The following ACADSB variants were observed in gnomAD, a reference collection of about 807,000 sequenced individuals.
The protein encoded by ACADSB is acyl-CoA dehydrogenase short/branched chain.
In ACADSB, 40 loss-of-function variants were observed where a neutral mutation model predicts 54.1. The observed-to-expected ratio is 0.74, with a 90% CI of 0.57 to 0.96. ACADSB has a LOEUF of 0.96. Among genes scored for constraint, ACADSB ranks in the 40% least tolerant of loss-of-function variants. The pLI is 0.00. For synonymous variants in ACADSB, 182 were observed against 182.8 expected, an observed-to-expected ratio of 1.00 and a Z score of 0.03; for missense variants, 530 against 510.4, an observed-to-expected ratio of 1.04 and a Z score of -0.37.
rs4980247 is a variant in ACADSB at position 123,057,375 on chromosome 10, T to C, written c.*3610T>C. ...CTACCTTCTTCCGTTAGTGCATCAG[T>C]AAATGTGTTATTTTGTCATTTTTCC... On this transcript the variant is annotated 3_prime_UTR_variant, in exon 11 of 11. Coordinates refer to ENST00000358776, the MANE Select transcript of ACADSB (RefSeq NM_001609.4). The C allele has an allele frequency of 8.5e-5, 13 of 152,362 alleles. No homozygotes were observed. The East Asian group carries it at 2.3e-3, about 27-fold the overall frequency. The allele number at this position is 152,362 out of a possible 1,614,324, so 9.4% of individuals were successfully genotyped here.
At chr10:123,047,524 C>T (rs1307110806) in intron 8 of ACADSB, among the ~76,000 whole-genome samples, 1 of 152,122 alleles carries the variant, frequency 6.6e-6, no homozygotes, top group African/African-American at 2.4e-5. Context: ...TTCAGGATAT[C>T]TCGGTGAGCA....
chr10:123,036,848 T>A (rs1028845614), intron 2 of ACADSB, among the ~76,000 whole-genome samples: 2 of 152,070 alleles, frequency 1.3e-5, no homozygotes, highest in Admixed American at 1.3e-4. Flanking sequence ...GGGAAGAGAT[T>A]CTACATAATG....
intron 1 of ACADSB, among the ~76,000 whole-genome samples, chr10:123,012,505 C>T (rs1024607771): frequency 6.6e-5 from 10 of 152,148 alleles, no homozygotes; most frequent in African/African-American, 1.9e-4. Flanking sequence ...GTGAGTGCTA[C>T]AGTTCTTAAA....
intron 6 of ACADSB, among the ~76,000 whole-genome samples, chr10:123,043,753 A>G (rs1201205781): frequency 2.0e-5 from 3 of 152,120 alleles, no homozygotes; most frequent in Admixed American, 6.5e-5. Context: ...CTTCACCCCA[A>G]CTGTTTTCCT....
chr10:123,041,274 T>C lies in ACADSB; in HGVS notation c.576T>C (p.Ala192=), dbSNP rs1488803880. ...GSDSFALKTR[A]DKEGDYYVLN... ...ACTCATTTGCTTTGAAGACCAGAGC[T>C]GATAAAGAGGGAGATTATTATGTCC... The change falls in exon 5 of 11, where the codon GCT becomes GCC. Residue 192 remains alanine (A), a synonymous_variant. Coordinates refer to ENST00000358776, the MANE Select transcript of ACADSB (RefSeq NM_001609.4). 3.1e-6 allele frequency: 5 copies of C among 1,614,072 alleles called. No individual in the cohort carries two copies. The highest frequency in any genetic ancestry group is 3.4e-6 in the Non-Finnish European group (4 of 1,180,016).
intron 2 of ACADSB, among the ~76,000 whole-genome samples, chr10:123,035,642 CTG>C (rs1850388512): frequency 6.6e-6 from 1 of 152,144 alleles, no homozygotes; most frequent in Non-Finnish European, 1.5e-5. Context: ...GTCAGTTGGG[CTG>C]TGTTTTCGTC....
intron 1 of ACADSB, among the ~76,000 whole-genome samples, chr10:123,028,662 C>CA (rs1331649672): frequency 2.0e-5 from 3 of 151,858 alleles, no homozygotes; most frequent in Admixed American, 6.6e-5. Context: ...GACCCTATCT[C>CA]AAAAAAATAA....
At chr10:123,016,669 A>G (rs1850112971) in intron 1 of ACADSB, among the ~76,000 whole-genome samples, 2 of 152,230 alleles carry the variant, frequency 1.3e-5, no homozygotes, top group African/African-American at 4.8e-5. Context: ...AAGAAACAGG[A>G]GTGGACAAGT....
intron 3 of ACADSB, among the ~76,000 whole-genome samples, chr10:123,039,040 C>T (rs370056832): frequency 7.2e-5 from 11 of 152,340 alleles, no homozygotes; most frequent in Admixed American, 1.3e-4. Context: ...CAAACCACTC[C>T]TGTGCAGATG....
At chr10:123,044,531 T>C in intron 7 of ACADSB, 46 bp downstream of exon 7, 1 of 1,493,048 alleles carries the variant, frequency 6.7e-7, no homozygotes, top group Non-Finnish European at 9.3e-7. Flanking sequence ...AATTAAACTG[T>C]GAAAAGAAAA....
intron 1 of ACADSB, among the ~76,000 whole-genome samples, chr10:123,014,152 T>C (rs543037951): frequency 6.6e-6 from 1 of 152,320 alleles, no homozygotes; most frequent in Admixed American, 6.5e-5. Flanking sequence ...TCTTGCTCTC[T>C]CTTTCTCTCC....
At chr10:123,045,248 G>A (rs1303504139) in intron 7 of ACADSB, among the ~76,000 whole-genome samples, 2 of 133,578 alleles carry the variant, frequency 1.5e-5, no homozygotes, top group Non-Finnish European at 3.1e-5. Context: ...GTGCGATCTC[G>A]GCTCACTGCA....
chr10:123,043,881 A>G (rs1850513187), intron 6 of ACADSB, among the ~76,000 whole-genome samples: 1 of 152,150 alleles, frequency 6.6e-6, no homozygotes, highest in Non-Finnish European at 1.5e-5. Flanking sequence ...TTAAAGTATG[A>G]ATAAGCATTT....
intron 1 of ACADSB, among the ~76,000 whole-genome samples, chr10:123,024,856 C>T (rs1850230224): frequency 6.6e-6 from 1 of 152,210 alleles, no homozygotes; most frequent in Non-Finnish European, 1.5e-5. Flanking sequence ...TGTTTCCTGC[C>T]ATAGCTGAAG....
intron 7 of ACADSB, among the ~76,000 whole-genome samples, chr10:123,046,060 C>G (rs542313206): frequency 1.3e-5 from 2 of 152,194 alleles, no homozygotes; most frequent in African/African-American, 4.8e-5. Context: ...TTTCAGTCTT[C>G]GTGTCAATAT....
At chr10:123,051,212 A>AT in intron 9 of ACADSB, 26 bp downstream of exon 9, 2 of 1,328,754 alleles carry the variant, frequency 1.5e-6, no homozygotes, top group Non-Finnish European at 2.0e-6. Context: ...AAAAAAAAAA[A>AT]GGAAAAAGTA....
rs117078411 is a variant in ACADSB at position 123,053,843 on chromosome 10, C to T, written c.*78C>T. The T allele has an allele frequency of 9.2e-4, 1,183 of 1,286,788 alleles. 18 individuals carry two copies. The East Asian group carries it at 0.024, about 26-fold the overall frequency. 79.7% of individuals were successfully genotyped at this position (1,286,788 alleles called of 1,614,324 possible). On this transcript the variant is annotated 3_prime_UTR_variant, in exon 11 of 11. Transcript: ENST00000358776. ...GGTTGTGTCTTGTTGGGAGTAAGTG[C>T]CTTGCGTGGGAATAAACTTCCACAG...
Position 123,053,119 on chromosome 10 carries a change from A to C in ACADSB, c.1187A>C (p.Lys396Thr), listed in dbSNP as rs148640214. 347 of 1,613,974 alleles carry C rather than the reference A, an allele frequency of 2.1e-4. 1 individual carries two copies. Among genetic ancestry groups the C allele is most frequent in the Non-Finnish European group, 3.8e-5 (45 of 1,179,970 alleles). The stretch of plus-strand genomic sequence containing the variant: ...TGGATGGGGGGAGTAGGCTACACCA[A>C]AGATTACCCTGTGGAGAAATACTTC... ...IEWMGGVGYT[K>T]DYPVEKYFRD... Residue 396 changes from lysine (K) to threonine (T), a missense_variant, in exon 10 of 11, where the codon AAA (lysine) becomes ACA (threonine). Transcript: ENST00000358776.
chr10:123,015,698 T>C (rs1389641948), intron 1 of ACADSB, among the ~76,000 whole-genome samples: 1 of 152,246 alleles, frequency 6.6e-6, no homozygotes, highest in East Asian at 1.9e-4. Flanking sequence ...GTTTGTTGGC[T>C]ATAGAAATTG....
Sources: allele counts gnomAD v4.1 joint callset (sites outside exome capture counted in the v4.1 genomes callset), GRCh38; gene constraint gnomAD v4.1.1; transcripts MANE v1.5; gene names NCBI Gene and HGNC (gene_info 2026-07-23, HGNC 2026-07-21).